The following FGGY variants were observed in gnomAD, a reference collection of about 807,000 sequenced individuals.
FGGY encodes FGGY carbohydrate kinase domain containing.
FGGY carries 72 observed loss-of-function variants against 71.3 expected under a neutral mutation model. The observed-to-expected ratio is 1.01, with a 90% CI of 0.84 to 1.23. The LOEUF (loss-of-function observed/expected upper bound fraction) is 1.23, where lower values mean the gene tolerates loss of function less well. FGGY is among the 50% of genes most tolerant of loss of function. The probability of loss-of-function intolerance (pLI) is 0.00; values close to 1 mark genes in which losing one functional copy is unlikely to be tolerated. For synonymous variants in FGGY, 251 were observed against 250.3 expected (o/e 1.00, Z -0.02); for missense variants, 668 against 682.3 (o/e 0.98, Z 0.23).
At chr1:59,556,790 A>G (rs2095693906) in intron 8 of FGGY, among the ~76,000 whole-genome samples, 2 of 152,148 alleles carry the variant, frequency 1.3e-5, no homozygotes, top group South Asian at 4.2e-4. Flanking sequence ...AATGGTGGAG[A>G]TTGTTATTAA....
intron 5 of FGGY, among the ~76,000 whole-genome samples, chr1:59,379,334 G>A (rs2059098390): frequency 6.6e-6 from 1 of 152,072 alleles, no homozygotes. Flanking sequence ...GTATGGTATA[G>A]CCTATTGCTG....
At chr1:59,691,035 A>T (rs2097583001) in intron 14 of FGGY, among the ~76,000 whole-genome samples, 1 of 152,206 alleles carries the variant, frequency 6.6e-6, no homozygotes, top group Non-Finnish European at 1.5e-5. Flanking sequence ...AAACTGAAAG[A>T]ATCAGATTCT....
intron 6 of FGGY, among the ~76,000 whole-genome samples, chr1:59,494,129 C>T (rs2093962921): frequency 6.6e-6 from 1 of 152,134 alleles, no homozygotes; most frequent in Non-Finnish European, 1.5e-5. Context: ...CATTCCAGCA[C>T]TCTTGAAGGT....
intron 6 of FGGY, among the ~76,000 whole-genome samples, chr1:59,505,764 CAT>C (rs949691981): frequency 2.6e-5 from 4 of 152,164 alleles, no homozygotes; most frequent in African/African-American, 9.7e-5. Context: ...CAGCAGTCCA[CAT>C]AGTCATTAAT....
chr1:59,353,167 G>C (rs142415845), intron 4 of FGGY, among the ~76,000 whole-genome samples: 1 of 152,128 alleles, frequency 6.6e-6, no homozygotes, highest in Non-Finnish European at 1.5e-5. Flanking sequence ...TCAGTGTGCT[G>C]AGCTATAAAA....
chr1:59,705,192 T>G (rs1053723004), intron 14 of FGGY, among the ~76,000 whole-genome samples: 1 of 152,218 alleles, frequency 6.6e-6, no homozygotes, highest in African/African-American at 2.4e-5. Context: ...GAAGACATTC[T>G]TATAGTATGT....
At chr1:59,526,574 T>C (rs2153657249) in intron 7 of FGGY, among the ~76,000 whole-genome samples, 1 of 152,304 alleles carries the variant, frequency 6.6e-6, no homozygotes, top group South Asian at 2.1e-4. Context: ...GTATAGGGAA[T>C]GGATCAGCCA....
chr1:59,671,214 A>C (rs767785106), intron 13 of FGGY, among the ~76,000 whole-genome samples: 2 of 152,178 alleles, frequency 1.3e-5, no homozygotes, highest in Non-Finnish European at 2.9e-5. Flanking sequence ...CCCAGAGGAC[A>C]AAATGTGTCG....
chr1:59,439,683 A>G (rs1414504055), intron 5 of FGGY, among the ~76,000 whole-genome samples: 1 of 152,228 alleles, frequency 6.6e-6, no homozygotes, highest in African/African-American at 2.4e-5. Context: ...CATAAAGATG[A>G]AAAGCAGCTG....
chr1:59,330,568 C>CA (rs530024547), intron 2 of FGGY, among the ~76,000 whole-genome samples: 28,520 of 122,114 alleles, frequency 0.23, 3,274 homozygotes, highest in East Asian at 0.38. Flanking sequence ...GACTCCATCT[C>CA]AAAAAAAAAA....
At chr1:59,383,322 G>A (rs934376950) in intron 5 of FGGY, among the ~76,000 whole-genome samples, 1 of 152,242 alleles carries the variant, frequency 6.6e-6, no homozygotes, top group East Asian at 1.9e-4. Context: ...GGACAACACT[G>A]CCTAACAGAA....
At chr1:59,534,626 G>A (rs947438195) in intron 7 of FGGY, among the ~76,000 whole-genome samples, 30 of 152,116 alleles carry the variant, frequency 2.0e-4, no homozygotes, top group Admixed American at 4.6e-4. Context: ...GACTAACAGC[G>A]GATCTCTTGG....
intron 8 of FGGY, among the ~76,000 whole-genome samples, chr1:59,590,443 C>G (rs2096408006): frequency 6.6e-6 from 1 of 152,144 alleles, no homozygotes; most frequent in African/African-American, 2.4e-5. Flanking sequence ...TTTTATGAGG[C>G]CAGAATCATC....
chr1:59,312,482 G>A (rs914598268), intron 1 of FGGY, among the ~76,000 whole-genome samples: 1 of 152,182 alleles, frequency 6.6e-6, no homozygotes, highest in African/African-American at 2.4e-5. Context: ...GGCTTGGTAG[G>A]TCAACAGAAG....
At chr1:59,677,504 A>T (rs2097447884) in intron 14 of FGGY, among the ~76,000 whole-genome samples, 1 of 152,164 alleles carries the variant, frequency 6.6e-6, no homozygotes, top group Non-Finnish European at 1.5e-5. Context: ...AATCCAGAGG[A>T]CCCAGACAGT....
chr1:59,372,998 A>G (rs1312707897), intron 4 of FGGY, among the ~76,000 whole-genome samples: 9 of 152,288 alleles, frequency 5.9e-5, no homozygotes, highest in Middle Eastern at 3.4e-3. Context: ...GAAAACTGGC[A>G]CAAGACAGGG....
intron 1 of FGGY, among the ~76,000 whole-genome samples, chr1:59,297,613 G>C (rs893949196): frequency 1.3e-5 from 2 of 151,978 alleles, no homozygotes; most frequent in Non-Finnish European, 2.9e-5. Context: ...ACGAGGTCAG[G>C]AGATCGAGAC....
At chr1:59,561,505 CATT>C in intron 8 of FGGY, among the ~76,000 whole-genome samples, 1 of 152,288 alleles carries the variant, frequency 6.6e-6, no homozygotes, top group Non-Finnish European at 1.5e-5. Context: ...AACATAGAAA[CATT>C]ATGCTGGACT....
At chr1:59,634,652 A>G (rs1285732028) in intron 10 of FGGY, among the ~76,000 whole-genome samples, 1 of 152,126 alleles carries the variant, frequency 6.6e-6, no homozygotes, top group African/African-American at 2.4e-5. Context: ...TAAGATCACA[A>G]GCAATAGGTC....
Sources: allele counts gnomAD v4.1 joint callset (sites outside exome capture counted in the v4.1 genomes callset), GRCh38; gene constraint gnomAD v4.1.1; transcripts MANE v1.5; gene names NCBI Gene and HGNC (gene_info 2026-07-23, HGNC 2026-07-21).